AFAP1: variants seen among roughly 807,000 people sequenced by gnomAD.
AFAP1 encodes the protein actin filament associated protein 1.
A neutral mutation model predicts 93.9 loss-of-function variants in AFAP1; 75 were observed. The ratio of observed to expected loss-of-function variants is 0.80; its 90% CI spans 0.66 to 0.97. The LOEUF (loss-of-function observed/expected upper bound fraction) is 0.97. Among genes scored for constraint, AFAP1 ranks in the 50% least tolerant of loss-of-function variants. The pLI is 0.00. For synonymous variants in AFAP1, 517 were observed against 430.7 expected (o/e 1.20, Z -2.48); for missense variants, 1,201 against 1,050.8 (o/e 1.14, Z -1.98).
At chr4:7,926,355 A>G (rs897745806) in intron 1 of AFAP1, among the ~76,000 whole-genome samples, 3 of 152,218 alleles carry the variant, frequency 2.0e-5, no homozygotes, top group African/African-American at 4.8e-5. Context: ...TATCAGCAGT[A>G]AAAGTGGAAA....
intron 12 of AFAP1, among the ~76,000 whole-genome samples, chr4:7,782,134 T>G (rs1478830664): frequency 6.6e-6 from 1 of 152,194 alleles, no homozygotes; most frequent in African/African-American, 2.4e-5. Flanking sequence ...ACAGCACTTC[T>G]CACGTCCTGG....
At chr4:7,852,490 G>A (rs973552569) in intron 4 of AFAP1, among the ~76,000 whole-genome samples, 3 of 152,094 alleles carry the variant, frequency 2.0e-5, no homozygotes, top group Non-Finnish European at 4.4e-5. Flanking sequence ...AGAACACGCA[G>A]GGGACCTGGA....
At chr4:7,781,791 C>T (rs1716802389) in intron 12 of AFAP1, among the ~76,000 whole-genome samples, 164 bp from the exon 13 acceptor site, 1 of 152,100 alleles carries the variant, frequency 6.6e-6, no homozygotes, top group Non-Finnish European at 1.5e-5. Context: ...CATGCACCCA[C>T]CACCCCCCTC....
At chr4:7,832,333 A>G (rs896566131) in intron 6 of AFAP1, among the ~76,000 whole-genome samples, 4 of 144,888 alleles carry the variant, frequency 2.8e-5, no homozygotes, top group Admixed American at 6.9e-5. Context: ...CAATAACATG[A>G]AAAAAAAAAA....
chr4:7,883,392 T>G (rs1187396198), intron 1 of AFAP1, among the ~76,000 whole-genome samples: 1 of 152,094 alleles, frequency 6.6e-6, no homozygotes, highest in Admixed American at 6.5e-5. Flanking sequence ...ATAAAATACA[T>G]GTACTAAGAT....
At chr4:7,839,514 G>A (rs1712734113) in intron 5 of AFAP1, among the ~76,000 whole-genome samples, 1 of 152,094 alleles carries the variant, frequency 6.6e-6, no homozygotes, top group African/African-American at 2.4e-5. Flanking sequence ...GAATAATTTG[G>A]ATACTTTATC....
chr4:7,866,024 G>A (rs1313145655), intron 3 of AFAP1, among the ~76,000 whole-genome samples: 1 of 152,138 alleles, frequency 6.6e-6, no homozygotes, highest in African/African-American at 2.4e-5. Context: ...AGCCTCCCAA[G>A]TAGCTGGGAC....
rs1203725465 is a variant in AFAP1 at position 7,796,816 on chromosome 4, T to C, written c.1267-2990A>G. Among the ~76,000 whole-genome samples the C allele has an allele frequency of 3.3e-5, 5 of 150,588 alleles. No homozygotes were observed. In the East Asian group the frequency reaches 9.9e-4, roughly 30 times the overall value. On this transcript the variant is annotated intron_variant, in intron 10 of 17. Transcript: ENST00000420658. ...GGCTCATGCCTGTAATCTCAGCACTTTGGGAGACCAAGGCGGGCAGTTCAC... is the reference window on the plus strand; with the variant it reads ...GGCTCATGCCTGTAATCTCAGCACTCTGGGAGACCAAGGCGGGCAGTTCAC...
intron 16 of AFAP1, among the ~76,000 whole-genome samples, 165 bp from the exon 17 acceptor site, chr4:7,769,173 C>T (rs760504602): frequency 6.6e-6 from 1 of 152,328 alleles, no homozygotes; most frequent in South Asian, 2.1e-4. Flanking sequence ...ACCCCCAGAG[C>T]GTCTCCTGGC....
chr4:7,823,893 C>T (rs1028426789), intron 6 of AFAP1, among the ~76,000 whole-genome samples: 1 of 152,226 alleles, frequency 6.6e-6, no homozygotes, highest in Admixed American at 6.5e-5. Context: ...ATCCCAGCTT[C>T]GTGGGACTCT....
intron 1 of AFAP1, among the ~76,000 whole-genome samples, chr4:7,919,400 T>C (rs1720310820): frequency 6.6e-6 from 1 of 152,160 alleles, no homozygotes; most frequent in South Asian, 2.1e-4. Flanking sequence ...GGGGCTATTT[T>C]TGTGGTGTGT....
At chr4:7,838,293 A>G (rs972180658) in intron 6 of AFAP1, among the ~76,000 whole-genome samples, 5 of 152,216 alleles carry the variant, frequency 3.3e-5, no homozygotes, top group African/African-American at 1.2e-4. Context: ...AAAGTCGTCG[A>G]AGCAGCCTAC....
intron 1 of AFAP1, among the ~76,000 whole-genome samples, chr4:7,877,904 C>T (rs1290180420): frequency 1.3e-5 from 2 of 152,272 alleles, no homozygotes; most frequent in Non-Finnish European, 2.9e-5. Context: ...TCCCCCATAT[C>T]GCCAGTTCCC....
Position 7,868,689 on chromosome 4 carries a change from T to C in AFAP1, c.158A>G (p.Gln53Arg). ...GGCTGGCAGGCTGTTAGCGGTCTCC[T>C]GCTTCTGAGCATGGTCCTTCACATC... ...GFDVKDHAQK[Q>R]ETANSLPAPP... The change falls in exon 3 of 18, where the codon CAG becomes CGG. Residue 53 changes from glutamine (Q) to arginine (R), a missense_variant. By Grantham distance (43) the Gln-to-Arg change is conservative. Transcript: ENST00000420658. 2 of 1,613,582 alleles carry C rather than the reference T, an allele frequency of 1.2e-6. No homozygotes were observed. Among genetic ancestry groups the C allele is most frequent in the Non-Finnish European group, 1.7e-6 (2 of 1,179,944 alleles).
chr4:7,795,146 G>A (rs1718279232), intron 10 of AFAP1, among the ~76,000 whole-genome samples: 2 of 152,134 alleles, frequency 1.3e-5, no homozygotes, highest in Non-Finnish European at 2.9e-5. Context: ...TAAAGGAAGG[G>A]ATGTTAACAA....
At chr4:7,908,080 C>A (rs1719524545) in intron 1 of AFAP1, among the ~76,000 whole-genome samples, 1 of 152,110 alleles carries the variant, frequency 6.6e-6, no homozygotes, top group Admixed American at 6.5e-5. Flanking sequence ...GGCGTGGTGG[C>A]ACACACCTGT....
chr4:7,762,313 C>T lies in AFAP1; in HGVS notation c.*1452G>A, dbSNP rs1473936005. 1 of 152,222 alleles carries T rather than the reference C, an allele frequency of 6.6e-6. No individual in the cohort carries two copies. Among genetic ancestry groups the T allele is most frequent in the Non-Finnish European group, 1.5e-5 (1 of 68,062 alleles). 9.4% of individuals were successfully genotyped at this position (152,222 alleles called of 1,614,324 possible). On this transcript the variant is annotated 3_prime_UTR_variant, in exon 18 of 18. Transcript: ENST00000420658. ...TCTGTGTGAAAAAGGACATTCTGGA[C>T]AGTGGACAGAAGGAAGGCTTACACC...
At chr4:7,803,077 C>T (rs539296283) in intron 9 of AFAP1, among the ~76,000 whole-genome samples, 14 of 152,242 alleles carry the variant, frequency 9.2e-5, no homozygotes, top group Non-Finnish European at 1.3e-4. Flanking sequence ...TGCTGAAAGC[C>T]GACACTTTTA....
rs766516417 is a variant in AFAP1 at position 7,781,391 on chromosome 4, G to A, written c.1767C>T (p.Leu589=). ...GATGCCGTACCTGCGAGTTGAGCCC[G>A]AGAGACGCCCTCCCCACAGAAGAGG... ...TNTSSVGRAS[L]GLNSQLKGKK... is the part of the protein sequence containing the mutation. The change falls in exon 13 of 18, where the codon CTC becomes CTT. Residue 589 remains leucine, a synonymous_variant. Coordinates refer to ENST00000420658, the MANE Select transcript of AFAP1 (RefSeq NM_001134647.2). 44 of 1,551,596 alleles carry A rather than the reference G, an allele frequency of 2.8e-5. No individual in the cohort carries two copies. The highest frequency in any genetic ancestry group is 1.7e-4 in the Middle Eastern group (1 of 6,016).
Sources: gnomAD v4.1 joint callset for allele counts (sites outside exome capture counted in the v4.1 genomes callset) on GRCh38, gnomAD v4.1.1 for gene constraint, MANE v1.5 for transcripts, NCBI Gene and HGNC (gene_info 2026-07-23, HGNC 2026-07-21) for gene names.